RNF152: variants seen among roughly 807,000 people sequenced by gnomAD.
RNF152 encodes the protein ring finger protein 152, also known as E3 ubiquitin-protein ligase RNF152.
Under a neutral mutation model 12.7 loss-of-function variants are expected in RNF152, and 11 were observed. The ratio of observed to expected loss-of-function variants is 0.86; its 90% CI spans 0.54 to 1.43. The LOEUF (loss-of-function observed/expected upper bound fraction) is 1.43. Among genes scored for constraint, RNF152 ranks in the 40% most tolerant of loss-of-function variants. The pLI is 0.00. For synonymous variants in RNF152, 113 were observed against 120.3 expected (o/e 0.94, Z 0.40); for missense variants, 255 against 274.8 (o/e 0.93, Z 0.51).
chr18:61,883,125 A>G (rs1238386601), intron 1 of RNF152, among the ~76,000 whole-genome samples: 1 of 152,140 alleles, frequency 6.6e-6, no homozygotes, highest in Non-Finnish European at 1.5e-5. Flanking sequence ...AGACTGGTTC[A>G]AAGCCCACAG....
chr18:61,814,185 A>G lies in RNF152; in HGVS notation c.*1667T>C, dbSNP rs1908953490. Reference sequence around the variant, plus strand: ...ATTTCACATTAATTCCATCACTTTTATATGCATATTTTGTGCTGCTTGAAG... The same window carrying G: ...ATTTCACATTAATTCCATCACTTTTGTATGCATATTTTGTGCTGCTTGAAG... On this transcript the variant is annotated 3_prime_UTR_variant, in exon 2 of 2. Transcript: ENST00000312828. 1 of 152,154 alleles carries G rather than the reference A, an allele frequency of 6.6e-6. No homozygotes were observed. Among genetic ancestry groups the G allele is most frequent in the Non-Finnish European group, 1.5e-5 (1 of 68,036 alleles). The allele number at this position is 152,154 out of a possible 1,614,324, so 9.4% of individuals were successfully genotyped here.
At chr18:61,830,046 G>A (rs1401574316) in intron 1 of RNF152, among the ~76,000 whole-genome samples, 2 of 145,156 alleles carry the variant, frequency 1.4e-5, no homozygotes, top group Non-Finnish European at 3.0e-5. Context: ...TTTTGAGACA[G>A]AGTCTCACTC....
chr18:61,826,973 A>G (rs8095201), intron 1 of RNF152, among the ~76,000 whole-genome samples: 7 of 152,214 alleles, frequency 4.6e-5, no homozygotes, highest in Non-Finnish European at 1.0e-4. Context: ...ATCATTTACC[A>G]TTATTGAGAA....
chr18:61,879,277 T>C (rs997446373), intron 1 of RNF152, among the ~76,000 whole-genome samples: 1 of 151,958 alleles, frequency 6.6e-6, no homozygotes, highest in East Asian at 1.9e-4. Context: ...ATTTACATCA[T>C]GTTTACATTA....
At chr18:61,874,344 T>C (rs151135433) in intron 1 of RNF152, among the ~76,000 whole-genome samples, 42 of 152,326 alleles carry the variant, frequency 2.8e-4, no homozygotes, top group Non-Finnish European at 4.9e-4. Context: ...ATATTGTATT[T>C]CCGATTACAG....
chr18:61,855,907 A>G (rs1462155341), intron 1 of RNF152, among the ~76,000 whole-genome samples: 5 of 152,140 alleles, frequency 3.3e-5, no homozygotes, highest in Non-Finnish European at 7.4e-5. Context: ...AACTGAGTAA[A>G]CTGAAAGAGA....
chr18:61,850,783 A>C (rs1031565039), intron 1 of RNF152, among the ~76,000 whole-genome samples: 1 of 152,230 alleles, frequency 6.6e-6, no homozygotes, highest in Non-Finnish European at 1.5e-5. Flanking sequence ...GAGCTCAGGG[A>C]ACTGATGAGA....
intron 1 of RNF152, among the ~76,000 whole-genome samples, chr18:61,829,367 C>G (rs914486470): frequency 6.6e-6 from 1 of 152,086 alleles, no homozygotes; most frequent in Non-Finnish European, 1.5e-5. Flanking sequence ...CTCTGCCAGC[C>G]CCAGCGCTCT....
chr18:61,829,867 G>A (rs191131585), intron 1 of RNF152, among the ~76,000 whole-genome samples: 1 of 152,148 alleles, frequency 6.6e-6, no homozygotes, highest in Admixed American at 6.5e-5. Flanking sequence ...TAGGCTGTGG[G>A]GCTTGTGAAG....
chr18:61,835,632 A>C (rs1285112420), intron 1 of RNF152, among the ~76,000 whole-genome samples: 1 of 152,206 alleles, frequency 6.6e-6, no homozygotes, highest in Non-Finnish European at 1.5e-5. Flanking sequence ...AAACAAAATC[A>C]AACCCTAAAA....
intron 1 of RNF152, among the ~76,000 whole-genome samples, chr18:61,869,454 G>A (rs1207574062): frequency 6.6e-6 from 1 of 152,176 alleles, no homozygotes; most frequent in Non-Finnish European, 1.5e-5. Context: ...AGAACTAAAT[G>A]TGGAATGCCC....
chr18:61,810,674 T>G lies in RNF152; in HGVS notation c.*5178A>C, dbSNP rs1272352085. The G allele has an allele frequency of 1.3e-5, 2 of 152,170 alleles. No individual in the cohort carries two copies. Among genetic ancestry groups the G allele is most frequent in the Non-Finnish European group, 2.9e-5 (2 of 68,028 alleles). The allele number at this position is 152,170 out of a possible 1,614,324, so 9.4% of individuals were successfully genotyped here. The stretch of plus-strand genomic sequence containing the variant: ...ATAAATAAATAAATAAATAAATAAG[T>G]GTCTCATGTTGAACAAAATCCAGCA... On this transcript the variant is annotated 3_prime_UTR_variant, in exon 2 of 2. Transcript: ENST00000312828.
intron 1 of RNF152, among the ~76,000 whole-genome samples, chr18:61,827,451 A>G (rs1319694672): frequency 6.6e-6 from 1 of 152,202 alleles, no homozygotes; most frequent in African/African-American, 2.4e-5. Context: ...AAACAACAAC[A>G]ACAAAAACCT....
chr18:61,870,256 C>T (rs1019669868), intron 1 of RNF152, among the ~76,000 whole-genome samples: 5 of 152,124 alleles, frequency 3.3e-5, no homozygotes, highest in Non-Finnish European at 4.4e-5. Flanking sequence ...GCAGCTGTGA[C>T]GTGGCCTCCG....
At chr18:61,873,591 G>C (rs2144741897) in intron 1 of RNF152, among the ~76,000 whole-genome samples, 1 of 152,108 alleles carries the variant, frequency 6.6e-6, no homozygotes, top group Non-Finnish European at 1.5e-5. Flanking sequence ...CACCTCAGCT[G>C]CCAAAGTGCT....
At chr18:61,893,772 G>A (rs910226053), upstream of RNF152, 1 of 151,956 alleles carries the variant, frequency 6.6e-6, no homozygotes, top group Non-Finnish European at 1.5e-5. Flanking sequence ...CCAGGGGCGC[G>A]CGCGGCGCGG....
At chr18:61,859,363 C>T (rs1034462289) in intron 1 of RNF152, among the ~76,000 whole-genome samples, 7 of 152,200 alleles carry the variant, frequency 4.6e-5, no homozygotes, top group African/African-American at 1.7e-4. Context: ...TCAGAAACGT[C>T]GCATCAGTTT....
At chr18:61,891,596 C>A (rs1038282453) in intron 1 of RNF152, among the ~76,000 whole-genome samples, 1 of 152,226 alleles carries the variant, frequency 6.6e-6, no homozygotes, top group African/African-American at 2.4e-5. Context: ...CATTACTCAT[C>A]TGATCTTTGC....
At position 61,816,067 on chromosome 18, in the gene RNF152, C is replaced by T. The variant is rs374092992; in HGVS notation, c.397G>A (p.Val133Met). 14 of 1,614,122 alleles carry T rather than the reference C, an allele frequency of 8.7e-6. No homozygotes were observed. Among genetic ancestry groups the T allele is most frequent in the African/African-American group, 2.7e-5 (2 of 74,948 alleles). ...PGSQQKSVTV[V>M]TIPAEQQPLQ... The stretch of plus-strand genomic sequence containing the variant: ...GGCTGCTGTTCAGCAGGGATGGTCA[C>T]CACGGTGACGGACTTCTGCTGGCTC... The change falls in exon 2 of 2, where the codon GTG becomes ATG. Residue 133 changes from valine to methionine, a missense_variant. By Grantham distance (21) the Val-to-Met change is conservative. Transcript: ENST00000312828.
Sources: gnomAD v4.1 joint callset for allele counts (sites outside exome capture counted in the v4.1 genomes callset) on GRCh38, gnomAD v4.1.1 for gene constraint, MANE v1.5 for transcripts, NCBI Gene and HGNC (gene_info 2026-07-23, HGNC 2026-07-21) for gene names.